Variants in C6orf132 observed in about 807,000 individuals in gnomAD.
The protein encoded by C6orf132 is uncharacterized protein C6orf132.
Under a neutral mutation model 65.3 loss-of-function variants are expected in C6orf132, and 43 were observed. That is an observed-to-expected ratio of 0.66 (90% confidence interval 0.52 to 0.85). The LOEUF is 0.85. Among genes scored for constraint, C6orf132 ranks in the 40% least tolerant of loss-of-function variants. C6orf132 has a pLI of 0.00. For missense variants in C6orf132, 1,488 were observed against 1,548.8 expected, an observed-to-expected ratio of 0.96 and a Z score of 0.66; for synonymous variants, 631 against 654.1, an observed-to-expected ratio of 0.96 and a Z score of 0.54.
chr6:42,115,398 G>A (rs1342065432), intron 2 of C6orf132, among the ~76,000 whole-genome samples: 1 of 152,038 alleles, frequency 6.6e-6, no homozygotes, highest in African/African-American at 2.4e-5. Context: ...TGTAATCCCA[G>A]CACTTTGGGA....
intron 1 of C6orf132, among the ~76,000 whole-genome samples, chr6:42,131,352 C>G (rs1235424903): frequency 3.3e-5 from 5 of 152,210 alleles, no homozygotes; most frequent in Non-Finnish European, 4.4e-5. Flanking sequence ...GGGCACTGTT[C>G]TGAGCATCTT....
At chr6:42,135,952 A>G (rs1473358477) in intron 1 of C6orf132, among the ~76,000 whole-genome samples, 2 of 152,162 alleles carry the variant, frequency 1.3e-5, no homozygotes, top group African/African-American at 4.8e-5. Context: ...CAGGGAAGGA[A>G]TGTAGGGATT....
intron 1 of C6orf132, among the ~76,000 whole-genome samples, chr6:42,137,843 G>GGGGCC (rs1766969684): frequency 1.4e-5 from 2 of 142,742 alleles, no homozygotes; most frequent in African/African-American, 5.1e-5. Flanking sequence ...GGGGCGGGGC[G>GGGGCC]GGGGAGGTGG....
At chr6:42,132,870 A>AAAG (rs1360157322) in intron 1 of C6orf132, among the ~76,000 whole-genome samples, 1 of 127,310 alleles carries the variant, frequency 7.9e-6, no homozygotes, top group Non-Finnish European at 1.6e-5. Flanking sequence ...AAAAAAAAAG[A>AAAG]AAAGAAAAGA....
At chr6:42,115,360 T>G (rs544740609) in intron 2 of C6orf132, among the ~76,000 whole-genome samples, 2 of 149,796 alleles carry the variant, frequency 1.3e-5, no homozygotes, top group Non-Finnish European at 1.5e-5. Flanking sequence ...TTAAAATGGT[T>G]AAAAGGCCGG....
intron 3 of C6orf132, among the ~76,000 whole-genome samples, chr6:42,108,123 C>T (rs1766442668): frequency 6.6e-6 from 1 of 152,188 alleles, no homozygotes; most frequent in East Asian, 1.9e-4. Context: ...TCAGTTATCC[C>T]CTTTGAGTGC....
rs1198589232 is a variant in C6orf132, at chr6:42,105,446, T to C, written c.2466A>G (p.Glu822=). 7.0e-5 allele frequency: 107 copies of C among 1,534,354 alleles called. No individual in the cohort carries two copies. The highest frequency in any genetic ancestry group is 9.3e-5 in the Non-Finnish European group (106 of 1,145,722). The change falls in exon 4 of 5, where the codon GAA becomes GAG. Residue 822 remains glutamate (E), a synonymous_variant. Transcript: ENST00000341865. ...KPPASAQPTD[E]LLRHPVTGEV... ...CCCCAGTCACCGGGTGCCTGAGGAG[T>C]TCATCAGTGGGCTGGGCCGAGGCAG...
intron 1 of C6orf132, among the ~76,000 whole-genome samples, chr6:42,135,545 G>A (rs558372428): frequency 6.6e-6 from 1 of 152,308 alleles, no homozygotes; most frequent in South Asian, 2.1e-4. Context: ...TGCTCACAGA[G>A]TTCAGGGTTG....
intron 1 of C6orf132, among the ~76,000 whole-genome samples, chr6:42,137,177 G>A (rs1562043149): frequency 1.3e-5 from 2 of 152,178 alleles, no homozygotes; most frequent in East Asian, 1.9e-4. Context: ...AAAGCTTTTA[G>A]TCCAGAGCCT....
chr6:42,104,529 C>T lies in C6orf132; in HGVS notation c.3383G>A (p.Gly1128Asp), dbSNP rs1449532692. The T allele has an allele frequency of 2.4e-6, 3 of 1,234,660 alleles. No homozygotes were observed. Among genetic ancestry groups the T allele is most frequent in the Middle Eastern group, 3.1e-4 (1 of 3,258 alleles). 76.5% of individuals were successfully genotyped at this position (1,234,660 alleles called of 1,614,324 possible). The change falls in exon 4 of 5, where the codon GGC (glycine) becomes GAC (aspartate). Residue 1128 changes from glycine to aspartate, a missense_variant. Transcript: ENST00000341865. The surrounding 1 kb of genome is among the most constrained non-coding windows in gnomAD (Gnocchi z 4.1). ...PRLSLEGAAR[G>D]AAEAKHKAPG... ...CGCTTTGTGCTTGGCCTCCGCGGCG[C>T]CCCGGGCGGCGCCCTCCAGGGACAG...
chr6:42,129,025 T>C (rs1254675069), intron 1 of C6orf132, among the ~76,000 whole-genome samples: 1 of 152,106 alleles, frequency 6.6e-6, no homozygotes, highest in African/African-American at 2.4e-5. Flanking sequence ...TGCAGCCATC[T>C]CTCTCCCAAT....
intron 2 of C6orf132, among the ~76,000 whole-genome samples, chr6:42,121,518 C>T (rs1000832825): frequency 6.6e-6 from 1 of 152,224 alleles, no homozygotes. Flanking sequence ...CACTGATGGC[C>T]CCAGTCCACC....
intron 1 of C6orf132, among the ~76,000 whole-genome samples, chr6:42,131,445 G>C (rs572410228): frequency 4.5e-4 from 69 of 152,366 alleles, no homozygotes; most frequent in African/African-American, 1.2e-3. Context: ...TGAGGAAACT[G>C]AGGCACAAGG....
intron 1 of C6orf132, among the ~76,000 whole-genome samples, chr6:42,130,503 C>T (rs1462325161): frequency 1.3e-5 from 2 of 152,146 alleles, no homozygotes; most frequent in East Asian, 1.9e-4. Flanking sequence ...GATGTGGCTA[C>T]CTGGACCCTT....
At chr6:42,120,845 A>G (rs1469526534) in intron 2 of C6orf132, among the ~76,000 whole-genome samples, 1 of 147,264 alleles carries the variant, frequency 6.8e-6, no homozygotes, top group Non-Finnish European at 1.5e-5. Context: ...CTGATCTCAA[A>G]CTCCTGACCT....
chr6:42,136,028 G>A (rs1254641277), intron 1 of C6orf132, among the ~76,000 whole-genome samples: 3 of 151,896 alleles, frequency 2.0e-5, no homozygotes, highest in Admixed American at 2.0e-4. Flanking sequence ...AGGCCTAATG[G>A]GTGCAGCACA....
At chr6:42,116,064 G>T (rs1245783703) in intron 2 of C6orf132, among the ~76,000 whole-genome samples, 9 of 150,654 alleles carry the variant, frequency 6.0e-5, no homozygotes, top group Admixed American at 6.6e-5. Flanking sequence ...CAAGTAGCTG[G>T]GAGTACAGGG....
At chr6:42,128,360 GCAGA>G (rs1157487935) in intron 2 of C6orf132, among the ~76,000 whole-genome samples, 1 of 152,170 alleles carries the variant, frequency 6.6e-6, no homozygotes, top group African/African-American at 2.4e-5. Flanking sequence ...CTGGCACAAA[GCAGA>G]CAGTCATCTG....
At position 42,116,881 on chromosome 6, in the gene C6orf132, A is replaced by G. The variant is rs114879072; in HGVS notation, c.253-6590T>C. 1.7e-3 allele frequency among the ~76,000 whole-genome samples: 255 copies of G among 152,264 alleles called. 1 individual carries two copies. Among genetic ancestry groups the G allele is most frequent in the South Asian group, 0.012 (57 of 4,826 alleles). On this transcript the variant is annotated intron_variant, in intron 2 of 4. Coordinates refer to ENST00000341865, the MANE Select transcript of C6orf132 (RefSeq NM_001164446.3). ...AAACCACCTGTTGGAGGAATTGTGCAGAGGTTTCAGAGGTCCCAGGGGCAG... is the reference window on the plus strand; with the variant it reads ...AAACCACCTGTTGGAGGAATTGTGCGGAGGTTTCAGAGGTCCCAGGGGCAG...
Sources: allele counts gnomAD v4.1 joint callset (sites outside exome capture counted in the v4.1 genomes callset), GRCh38; gene constraint gnomAD v4.1.1; non-coding constraint Gnocchi (gnomAD v3.1); transcripts MANE v1.5; gene names NCBI Gene and HGNC (gene_info 2026-07-23, HGNC 2026-07-21).